Variants in GSTA5 observed in about 807,000 individuals in gnomAD.
GSTA5 encodes the protein glutathione S-transferase alpha 5.
In GSTA5, 25 loss-of-function variants were observed where a neutral mutation model predicts 21.8. The ratio of observed to expected loss-of-function variants is 1.14; its 90% confidence interval spans 0.83 to 1.60. The LOEUF is 1.60. Among genes scored for constraint, GSTA5 ranks in the 40% most tolerant of loss-of-function variants. The pLI is 0.00. For missense variants in GSTA5, 330 were observed against 259.2 expected (o/e 1.27, Z -1.88); for synonymous variants, 102 against 89.5 (o/e 1.14, Z -0.78).
intron 1 of GSTA5, among the ~76,000 whole-genome samples, chr6:52,839,523 C>G (rs1344659592): frequency 6.6e-6 from 1 of 152,214 alleles, no homozygotes; most frequent in East Asian, 1.9e-4. Flanking sequence ...CTTCGTGAAG[C>G]AACGCACAAA....
At chr6:52,839,265 G>GCC (rs907103152) in intron 1 of GSTA5, among the ~76,000 whole-genome samples, 36 of 152,142 alleles carry the variant, frequency 2.4e-4, no homozygotes, top group African/African-American at 8.0e-4. Context: ...CCCTGCCCCC[G>GCC]CCTTCAGTCA....
In GSTA5 at chr6:52,832,917, AG is replaced by A. The variant is rs1764237179; in HGVS notation, c.487del (p.Leu163PhefsTer19). On this transcript the variant is annotated frameshift_variant, in exon 5 of 6. Transcript: ENST00000370989. LOFTEE classifies it high-confidence loss of function. ...GTCAAGCTCTTCCACGTAGTAGAAA[AG>A]TTCCACCAGGTGAATGTCAGCCCAG... is the stretch of plus-strand genomic sequence containing the variant. 6.2e-7 allele frequency: 1 copy of A among 1,614,048 alleles called. No individual in the cohort carries two copies. The highest frequency in any genetic ancestry group is 1.7e-5 in the Admixed American group (1 of 60,008).
chr6:52,845,901 A>G, the GSTA5 span, among the ~76,000 whole-genome samples: 2 of 152,336 alleles, frequency 1.3e-5, no homozygotes, highest in East Asian at 3.9e-4. Context: ...GAAAAGAAAT[A>G]AACAATTCTT....
chr6:52,844,477 A>G (rs1764427281), upstream of GSTA5, among the ~76,000 whole-genome samples: 1 of 152,218 alleles, frequency 6.6e-6, no homozygotes, highest in Admixed American at 6.5e-5. Flanking sequence ...AACTGTATTT[A>G]CATCAATTAA....
chr6:52,834,233 G>C, exon 4 of GSTA5: 1 of 1,613,818 alleles, frequency 6.2e-7, no homozygotes, highest in Non-Finnish European at 8.5e-7. Flanking sequence ...ATGAGCAGAA[G>C]AAGGATCATT....
At chr6:52,839,946 T>G (rs951503906) in intron 1 of GSTA5, among the ~76,000 whole-genome samples, 2 of 152,272 alleles carry the variant, frequency 1.3e-5, no homozygotes, top group Non-Finnish European at 2.9e-5. Context: ...GGACTGTGTC[T>G]GTCTTGTTCA....
chr6:52,834,167 T>A, exon 4 of GSTA5: 1 of 1,614,140 alleles, frequency 6.2e-7, no homozygotes. Context: ...AAGTAGCGAT[T>A]TTTTATTTTC....
upstream of GSTA5, among the ~76,000 whole-genome samples, chr6:52,844,105 G>A (rs556136360): frequency 2.6e-5 from 4 of 152,220 alleles, no homozygotes; most frequent in East Asian, 7.7e-4. Context: ...CCTGGGAAAT[G>A]GCTCCTAATA....
intron 1 of GSTA5, among the ~76,000 whole-genome samples, chr6:52,839,203 A>C (rs1371805132): frequency 2.4e-4 from 36 of 152,168 alleles, no homozygotes; most frequent in Non-Finnish European, 1.5e-5. Flanking sequence ...GGTTGTGATC[A>C]TCAGCCTTAG....
At chr6:52,840,870 C>T (rs187291449), upstream of GSTA5, 82 of 1,464,796 alleles carry the variant, frequency 5.6e-5, no homozygotes, top group African/African-American at 2.5e-4. Flanking sequence ...ATAATTGAAA[C>T]GATAGAATCA....
At chr6:52,837,917 G>C (rs1454162900) in intron 1 of GSTA5, among the ~76,000 whole-genome samples, 2 of 152,216 alleles carry the variant, frequency 1.3e-5, no homozygotes, top group African/African-American at 2.4e-5. Context: ...AGTTCTCCTA[G>C]TTATGGTGTT....
intron 2 of GSTA5, 52 bp downstream of exon 2, chr6:52,837,506 C>G: frequency 8.2e-7 from 1 of 1,216,238 alleles, no homozygotes; most frequent in Non-Finnish European, 1.2e-6. Flanking sequence ...CAACGTTCCT[C>G]TGTACCTTCT....
At chr6:52,844,744 G>A (rs139007462), upstream of GSTA5, among the ~76,000 whole-genome samples, 27 of 152,264 alleles carry the variant, frequency 1.8e-4, no homozygotes, top group African/African-American at 2.6e-4. Flanking sequence ...ATGAGATAAC[G>A]TACAAAAAAT....
chr6:52,838,364 C>T (rs766216314), intron 1 of GSTA5, among the ~76,000 whole-genome samples: 15 of 152,176 alleles, frequency 9.9e-5, no homozygotes, highest in Non-Finnish European at 1.8e-4. Context: ...ACTTACGGCA[C>T]CTATGGTATA....
At chr6:52,836,979 T>G (rs1313361882) in intron 2 of GSTA5, among the ~76,000 whole-genome samples, 1 of 152,170 alleles carries the variant, frequency 6.6e-6, no homozygotes, top group Non-Finnish European at 1.5e-5. Context: ...TAGGAAGAGG[T>G]TGGGACAAGT....
At chr6:52,837,243 G>T (rs1764305917) in intron 2 of GSTA5, among the ~76,000 whole-genome samples, 2 of 152,166 alleles carry the variant, frequency 1.3e-5, no homozygotes, top group African/African-American at 4.8e-5. Context: ...CTTGGATGGG[G>T]AGGGCTCTAT....
upstream of GSTA5, among the ~76,000 whole-genome samples, chr6:52,841,804 G>A (rs1478056810): frequency 6.6e-6 from 1 of 152,158 alleles, no homozygotes; most frequent in Non-Finnish European, 1.5e-5. Context: ...AACTTACCCA[G>A]ATTAAGTGGT....
chr6:52,837,440 C>T (rs367683276), intron 2 of GSTA5, 118 bp downstream of exon 2: 11 of 615,846 alleles, frequency 1.8e-5, no homozygotes, highest in Non-Finnish European at 2.3e-5. Context: ...ACCACTTTCT[C>T]CCTCTCCACC....
Position 52,832,839 on chromosome 6 carries a change from T to TGA in GSTA5, c.546+19_546+20insTC, listed in dbSNP as rs1764235994. The TGA allele has an allele frequency of 6.2e-7, 1 of 1,613,502 alleles. No homozygotes were observed. Among genetic ancestry groups the TGA allele is most frequent in the African/African-American group, 1.3e-5 (1 of 74,884 alleles). ...TATAAGAGATGTGGGGCTGTCTCTC[T>TGA]GGGCTGTGAAATGGGTCACCTTCAG... On this transcript the variant is annotated intron_variant, in intron 5 of 5. Transcript: ENST00000370989.
Sources: allele counts gnomAD v4.1 joint callset (sites outside exome capture counted in the v4.1 genomes callset), GRCh38; gene constraint gnomAD v4.1.1; transcripts MANE v1.5; gene names NCBI Gene and HGNC (gene_info 2026-07-23, HGNC 2026-07-21).